ZBTB7C: variants seen among roughly 807,000 people sequenced by gnomAD.
ZBTB7C encodes the protein zinc finger and BTB domain containing 7C, also known as zinc finger and BTB domain-containing protein 7C.
Under a neutral mutation model 25.7 loss-of-function variants are expected in ZBTB7C, and 8 were observed. The observed-to-expected ratio is 0.31, with a 90% CI of 0.18 to 0.56. The LOEUF is 0.56. Ranked by LOEUF, ZBTB7C falls within the 20% of genes least tolerant of loss-of-function variation. The pLI is 0.91. For missense variants in ZBTB7C, 824 were observed against 855.2 expected (o/e 0.96, Z 0.46); for synonymous variants, 394 against 369.0 (o/e 1.07, Z -0.78).
At chr18:48,354,916 C>T (rs2046943529) in intron 1 of ZBTB7C, among the ~76,000 whole-genome samples, 1 of 152,208 alleles carries the variant, frequency 6.6e-6, no homozygotes, top group African/African-American at 2.4e-5. Context: ...CCTCACACCA[C>T]CCTAGAACAT....
At chr18:48,309,500 G>A (rs1170688679) in intron 2 of ZBTB7C, among the ~76,000 whole-genome samples, 1 of 152,232 alleles carries the variant, frequency 6.6e-6, no homozygotes, top group East Asian at 1.9e-4. Context: ...AGTGGGGGTA[G>A]TGGCAGCAGG....
At chr18:48,075,058 G>A (rs1364167647) in intron 3 of ZBTB7C, among the ~76,000 whole-genome samples, 3 of 152,206 alleles carry the variant, frequency 2.0e-5, no homozygotes, top group Non-Finnish European at 4.4e-5. Context: ...AGAGGGAGGT[G>A]GCACAAGGTA....
At chr18:48,362,187 G>C (rs2047121926) in intron 1 of ZBTB7C, among the ~76,000 whole-genome samples, 1 of 152,194 alleles carries the variant, frequency 6.6e-6, no homozygotes, top group African/African-American at 2.4e-5. Context: ...AGCTATCTCA[G>C]GTCCCTTTCA....
intron 2 of ZBTB7C, among the ~76,000 whole-genome samples, chr18:48,266,966 C>T (rs1405680223): frequency 6.6e-6 from 1 of 152,158 alleles, no homozygotes. Context: ...CACCCCATTC[C>T]TTTAAAGGAT....
At chr18:48,150,247 G>C (rs149858036) in intron 3 of ZBTB7C, 1 of 152,200 alleles carries the variant, frequency 6.6e-6, no homozygotes, top group African/African-American at 2.4e-5. Flanking sequence ...TAAATCTTGG[G>C]AAACTGCATA....
intron 1 of ZBTB7C, among the ~76,000 whole-genome samples, chr18:48,401,895 A>G (rs1830512469): frequency 6.6e-6 from 1 of 152,080 alleles, no homozygotes; most frequent in Admixed American, 6.5e-5. Context: ...TCAGAGAATC[A>G]TTTCACAGTC....
intron 4 of ZBTB7C, among the ~76,000 whole-genome samples, chr18:48,036,432 C>T (rs184976653): frequency 6.6e-6 from 1 of 152,208 alleles, no homozygotes; most frequent in Non-Finnish European, 1.5e-5. Context: ...GGCTGAAGGG[C>T]TACCATGCAG....
At chr18:48,043,799 T>C (rs2036358366) in intron 3 of ZBTB7C, among the ~76,000 whole-genome samples, 1 of 152,184 alleles carries the variant, frequency 6.6e-6, no homozygotes, top group Non-Finnish European at 1.5e-5. Flanking sequence ...GATAAGTATC[T>C]CAAAAGAAAA....
intron 3 of ZBTB7C, among the ~76,000 whole-genome samples, chr18:48,161,343 G>A (rs1451663594): frequency 6.6e-6 from 1 of 150,424 alleles, no homozygotes; most frequent in Non-Finnish European, 1.5e-5. Context: ...CGATCCCTTG[G>A]AAGAGCCAGC....
chr18:48,277,122 C>T (rs1160357816), intron 2 of ZBTB7C, among the ~76,000 whole-genome samples: 1 of 145,358 alleles, frequency 6.9e-6, no homozygotes, highest in Non-Finnish European at 1.5e-5. Flanking sequence ...AAAGCAATGG[C>T]AACAAAAGCC....
chr18:48,328,724 C>T (rs776819585), intron 2 of ZBTB7C, among the ~76,000 whole-genome samples: 4 of 152,194 alleles, frequency 2.6e-5, no homozygotes, highest in Non-Finnish European at 2.9e-5. Context: ...CCATATACCA[C>T]GTAGCCTTAA....
intron 3 of ZBTB7C, among the ~76,000 whole-genome samples, chr18:48,058,999 T>C (rs1336322163): frequency 1.3e-5 from 2 of 152,154 alleles, no homozygotes; most frequent in Admixed American, 1.3e-4. Context: ...CACATAGGAA[T>C]CCCTGAGCCA....
At chr18:48,384,923 C>A (rs1034678998) in intron 1 of ZBTB7C, among the ~76,000 whole-genome samples, 1 of 145,066 alleles carries the variant, frequency 6.9e-6, no homozygotes, top group Non-Finnish European at 1.5e-5. Flanking sequence ...CTCTAGTGAT[C>A]CACCTGCCTC....
At chr18:48,162,245 C>T (rs1363074667) in intron 3 of ZBTB7C, 4 of 416,626 alleles carry the variant, frequency 9.6e-6, no homozygotes, top group South Asian at 5.0e-5. Flanking sequence ...CTTCTACCTT[C>T]TACCGGAAAC....
At chr18:48,206,296 A>G (rs747837450) in intron 2 of ZBTB7C, among the ~76,000 whole-genome samples, 14 of 152,208 alleles carry the variant, frequency 9.2e-5, no homozygotes, top group Non-Finnish European at 1.8e-4. Context: ...ACATATTCAC[A>G]TATGGTCACT....
At chr18:48,187,341 T>C (rs2145138039) in intron 2 of ZBTB7C, among the ~76,000 whole-genome samples, 1 of 152,314 alleles carries the variant, frequency 6.6e-6, no homozygotes, top group African/African-American at 2.4e-5. Flanking sequence ...TAAACAAATG[T>C]GGTAAATACA....
At chr18:48,039,839 A>T in intron 4 of ZBTB7C, 61 bp downstream of exon 4, 4 of 1,566,084 alleles carry the variant, frequency 2.6e-6, no homozygotes, top group Non-Finnish European at 3.5e-6. Flanking sequence ...TCCCTGCCCA[A>T]CTCTGCTGTC....
chr18:48,357,154 G>A (rs140502909), intron 1 of ZBTB7C, among the ~76,000 whole-genome samples: 11 of 152,300 alleles, frequency 7.2e-5, no homozygotes, highest in East Asian at 3.9e-4. Context: ...GAAACACACC[G>A]GAAGGTCTGT....
chr18:48,388,969 G>A lies in ZBTB7C; in HGVS notation c.-304+20257C>T, dbSNP rs118084406. ...ACTACACTCCACCTTGTTCTGTATC[G>A]TCTTGTTTACAGGATTAAGTTGACC... On this transcript the variant is annotated intron_variant, in intron 1 of 4. Transcript: ENST00000590800. Among the ~76,000 whole-genome samples the A allele has an allele frequency of 6.0e-4, 91 of 152,164 alleles. 1 individual carries two copies. In the East Asian group the frequency reaches 0.017, roughly 29 times the overall value.
Sources: gnomAD v4.1 joint callset for allele counts (sites outside exome capture counted in the v4.1 genomes callset) on GRCh38, gnomAD v4.1.1 for gene constraint, MANE v1.5 for transcripts, NCBI Gene and HGNC (gene_info 2026-07-23, HGNC 2026-07-21) for gene names.